The following SLC39A10 variants were observed in gnomAD, a reference collection of about 807,000 sequenced individuals.
SLC39A10 encodes solute carrier family 39 member 10.
In SLC39A10, 13 loss-of-function variants were observed where a neutral mutation model predicts 65.1. The ratio of observed to expected loss-of-function variants is 0.20; its 90% confidence interval spans 0.13 to 0.32. The LOEUF is 0.32. SLC39A10 is among the 10% of genes least tolerant of loss of function. SLC39A10 has a pLI of 1.00. For synonymous variants in SLC39A10, 321 were observed against 342.2 expected (o/e 0.94, Z 0.68); for missense variants, 831 against 1,018.4 (o/e 0.82, Z 2.50).
At chr2:195,628,553 A>G (rs1216880763) in intron 2 of SLC39A10, among the ~76,000 whole-genome samples, 2 of 152,222 alleles carry the variant, frequency 1.3e-5, no homozygotes, top group Non-Finnish European at 2.9e-5. Context: ...CTCTGTCCTC[A>G]TGAAACATAC....
intron 3 of SLC39A10, among the ~76,000 whole-genome samples, chr2:195,688,327 A>G (rs1029336639): frequency 6.6e-6 from 1 of 152,060 alleles, no homozygotes; most frequent in African/African-American, 2.4e-5. Context: ...TTTTTTTCCT[A>G]CGTGTAGGAA....
upstream of SLC39A10, among the ~76,000 whole-genome samples, chr2:195,654,536 C>T (rs1689108651): frequency 6.6e-6 from 1 of 152,158 alleles, no homozygotes; most frequent in Non-Finnish European, 1.5e-5. Flanking sequence ...GCTGAAGCAG[C>T]ATGAATAAGC....
At chr2:195,726,248 T>C (rs1692235647) in intron 8 of SLC39A10, among the ~76,000 whole-genome samples, 1 of 152,216 alleles carries the variant, frequency 6.6e-6, no homozygotes, top group South Asian at 2.1e-4. Flanking sequence ...TATTAAATAA[T>C]GCTCATTTTT....
chr2:195,640,074 A>G (rs556072741), intron 2 of SLC39A10, among the ~76,000 whole-genome samples: 226 of 152,280 alleles, frequency 1.5e-3, no homozygotes, highest in African/African-American at 4.5e-3. Flanking sequence ...AGCTGTTTCA[A>G]TTGGCTCCTG....
intron 2 of SLC39A10, among the ~76,000 whole-genome samples, chr2:195,628,947 T>C (rs1688526677): frequency 6.6e-6 from 1 of 152,228 alleles, no homozygotes; most frequent in African/African-American, 2.4e-5. Context: ...TCCACTGATG[T>C]CTCTTGTGTA....
Position 195,672,010 on chromosome 2 carries a change from C to T in SLC39A10, c.-11-8022C>T, listed in dbSNP as rs74631115. On this transcript the variant is annotated intron_variant, in intron 1 of 9. Transcript: ENST00000359634. ...TTTAATATGGAGTAGTCATCTTCAA[C>T]TGTTATTGAGAGAGACAAAAACTTG... 0.018 allele frequency among the ~76,000 whole-genome samples: 2,804 copies of T among 151,954 alleles called. 216 individuals are homozygous for T. The East Asian group carries it at 0.25, about 13-fold the overall frequency.
chr2:195,636,522 CGG>C (rs1666075486), intron 2 of SLC39A10, among the ~76,000 whole-genome samples: 1 of 151,766 alleles, frequency 6.6e-6, no homozygotes, highest in South Asian at 2.1e-4. Flanking sequence ...GAGGCTGAGG[CGG>C]GTGGATCACA....
At chr2:195,702,112 G>A (rs1360392811) in intron 3 of SLC39A10, among the ~76,000 whole-genome samples, 1 of 152,104 alleles carries the variant, frequency 6.6e-6, no homozygotes, top group Admixed American at 6.5e-5. Context: ...GAGAAAAAAA[G>A]AAGGGAGGAA....
chr2:195,731,007 C>G (rs900865133), intron 9 of SLC39A10, among the ~76,000 whole-genome samples: 1 of 152,150 alleles, frequency 6.6e-6, no homozygotes, highest in Non-Finnish European at 1.5e-5. Flanking sequence ...TTTTTAACTA[C>G]TCTCCCTGCT....
At chr2:195,637,603 T>C (rs1207499465) in intron 2 of SLC39A10, among the ~76,000 whole-genome samples, 1 of 152,144 alleles carries the variant, frequency 6.6e-6, no homozygotes, top group Non-Finnish European at 1.5e-5. Flanking sequence ...AAAACAGTAA[T>C]GGGTATATGT....
intron 3 of SLC39A10, among the ~76,000 whole-genome samples, chr2:195,687,319 T>C (rs925666436): frequency 7.1e-6 from 1 of 140,674 alleles, no homozygotes; most frequent in Non-Finnish European, 1.6e-5. Context: ...ATAGCTTTTT[T>C]TTCTTATTTT....
At chr2:195,654,930 G>C (rs571051921), upstream of SLC39A10, among the ~76,000 whole-genome samples, 13 of 152,096 alleles carry the variant, frequency 8.5e-5, no homozygotes, top group Non-Finnish European at 1.8e-4. Context: ...AATTTTGCTT[G>C]AAAATCTGCC....
chr2:195,706,322 T>C (rs1172526079), intron 3 of SLC39A10, among the ~76,000 whole-genome samples: 1 of 151,326 alleles, frequency 6.6e-6, no homozygotes, highest in Non-Finnish European at 1.5e-5. Context: ...ATTTATAGTT[T>C]AGCTATTAAG....
intron 1 of SLC39A10, chr2:195,674,624 C>T (rs1690009867): frequency 4.1e-6 from 4 of 985,308 alleles, no homozygotes; most frequent in African/African-American, 1.7e-5. Context: ...CTTATTCCCC[C>T]ATGTTCTGTG....
At chr2:195,729,961 A>ATT (rs58936616) in intron 9 of SLC39A10, among the ~76,000 whole-genome samples, 6,693 of 91,874 alleles carry the variant, frequency 0.073, 833 homozygotes, top group African/African-American at 0.17. Flanking sequence ...ACCATGCCTA[A>ATT]TTTTTTTTTT....
At chr2:195,712,526 C>T in intron 5 of SLC39A10, among the ~76,000 whole-genome samples, 1 of 152,082 alleles carries the variant, frequency 6.6e-6, no homozygotes, top group East Asian at 1.9e-4. Context: ...AAACCAGCAA[C>T]AAAAAAATGC....
At chr2:195,636,143 A>C (rs940446782) in intron 2 of SLC39A10, among the ~76,000 whole-genome samples, 3 of 152,244 alleles carry the variant, frequency 2.0e-5, no homozygotes, top group Non-Finnish European at 4.4e-5. Context: ...TATCTGAGAT[A>C]GCTATTAAAA....
intron 1 of SLC39A10, among the ~76,000 whole-genome samples, chr2:195,672,507 T>C (rs369650464): frequency 2.2e-4 from 34 of 152,286 alleles, no homozygotes; most frequent in African/African-American, 7.9e-4. Flanking sequence ...TGATTTACTT[T>C]AATAAATAAA....
intron 1 of SLC39A10, among the ~76,000 whole-genome samples, chr2:195,670,139 CAG>C (rs1368909286): frequency 6.6e-6 from 1 of 151,700 alleles, no homozygotes; most frequent in Non-Finnish European, 1.5e-5. Flanking sequence ...AGCCTGGTGA[CAG>C]AGCAAGATTC....
Sources: allele counts gnomAD v4.1 joint callset (sites outside exome capture counted in the v4.1 genomes callset), GRCh38; gene constraint gnomAD v4.1.1; transcripts MANE v1.5; gene names NCBI Gene and HGNC (gene_info 2026-07-23, HGNC 2026-07-21).